The following C12orf76 variants were observed in gnomAD, a reference collection of about 807,000 sequenced individuals.
C12orf76 encodes the protein chromosome 12 open reading frame 76, also known as uncharacterized protein C12orf76.
C12orf76 carries 6 observed loss-of-function variants against 6.8 expected under a neutral mutation model. That is an observed-to-expected ratio of 0.88 (90% confidence interval 0.48 to 1.73). C12orf76 has a LOEUF of 1.73. Among genes scored for constraint, C12orf76 ranks in the 40% most tolerant of loss-of-function variants. The probability of loss-of-function intolerance (pLI) is 0.01; values close to 1 mark genes in which losing one functional copy is unlikely to be tolerated. For missense variants in C12orf76, 99 were observed against 98.2 expected (o/e 1.01, Z -0.03); for synonymous variants, 56 against 43.7 (o/e 1.28, Z -1.11).
upstream of C12orf76, among the ~76,000 whole-genome samples, chr12:110,068,546 C>A (rs1037676381): frequency 2.6e-5 from 4 of 152,212 alleles, no homozygotes; most frequent in African/African-American, 9.6e-5. Flanking sequence ...TAACATAGAC[C>A]TGCTTAGCAT....
chr12:110,050,299 A>G (rs549581021), upstream of C12orf76: 1 of 152,258 alleles, frequency 6.6e-6, no homozygotes, highest in Non-Finnish European at 1.5e-5. Flanking sequence ...TTTGATTTGT[A>G]GTGGGATTAG....
intron 4 of C12orf76, among the ~76,000 whole-genome samples, chr12:110,055,645 G>A (rs909742557): frequency 6.6e-6 from 1 of 152,114 alleles, no homozygotes; most frequent in African/African-American, 2.4e-5. Context: ...GGGGGAGACC[G>A]GAGTTTTATT....
intron 2 of C12orf76, among the ~76,000 whole-genome samples, chr12:110,063,305 C>T (rs769290878): frequency 1.5e-4 from 23 of 151,422 alleles, no homozygotes; most frequent in East Asian, 5.8e-4. Flanking sequence ...TGTTTTGAGA[C>T]GAAGTTTTGC....
chr12:110,069,891 G>A (rs773411574), upstream of C12orf76, among the ~76,000 whole-genome samples: 10 of 152,158 alleles, frequency 6.6e-5, no homozygotes, highest in African/African-American at 2.4e-4. Context: ...TCATGTGAAA[G>A]AAAAATATTC....
In C12orf76 at chr12:110,048,485, G is replaced by A. The variant is rs1457784210; in HGVS notation, c.11C>T (p.Pro4Leu). 2.1e-6 allele frequency: 3 copies of A among 1,450,116 alleles called. No individual in the cohort carries two copies. The highest frequency in any genetic ancestry group is 5.6e-5 in the East Asian group (2 of 35,414). The allele number at this position is 1,450,116 out of a possible 1,614,324, so 89.8% of individuals were successfully genotyped here. A position where few individuals can be genotyped will look rare whatever the true frequency, so the allele number is the denominator to read the frequency against. The change falls in exon 1 of 2, where the codon CCA (proline) becomes CTA (leucine). Residue 4 changes from proline (P) to leucine (L), a missense_variant. Transcript: ENST00000615315. MLR[P>L]ALPWLYLGLC... is the part of the protein sequence containing the mutation. The stretch of plus-strand genomic sequence containing the variant: ...GCCAAGGTACAGCCACGGTAACGCT[G>A]GACGCAGCATCTTCCCCAGCCCTGC...
chr12:110,051,939 T>C (rs1411080552), upstream of C12orf76, among the ~76,000 whole-genome samples: 5 of 134,038 alleles, frequency 3.7e-5, no homozygotes, highest in Non-Finnish European at 6.2e-5. Flanking sequence ...TGAGATGGAG[T>C]CTCACTCTGT....
At chr12:110,056,022 G>A (rs1340221558) in intron 4 of C12orf76, among the ~76,000 whole-genome samples, 3 of 150,960 alleles carry the variant, frequency 2.0e-5, no homozygotes, top group Admixed American at 1.3e-4. Flanking sequence ...GCAGTGAGCT[G>A]AGATTGCGCC....
chr12:110,047,577 G>A (rs992047242), intron 1 of C12orf76, among the ~76,000 whole-genome samples: 1 of 152,004 alleles, frequency 6.6e-6, no homozygotes, highest in South Asian at 2.1e-4. Flanking sequence ...CTACTCGCCC[G>A]GGATGCTGAG....
intron 2 of C12orf76, among the ~76,000 whole-genome samples, chr12:110,060,700 T>A (rs1427901349): frequency 2.0e-5 from 3 of 152,128 alleles, no homozygotes; most frequent in African/African-American, 7.2e-5. Context: ...TTGCAGCTTC[T>A]TCCATGGTTC....
intron 1 of C12orf76, among the ~76,000 whole-genome samples, chr12:110,045,073 A>C (rs889267931): frequency 2.0e-5 from 3 of 152,224 alleles, no homozygotes; most frequent in Admixed American, 2.0e-4. Flanking sequence ...TCATAACTCC[A>C]AAGGCCAGAA....
chr12:110,055,353 T>C (rs889975320), intron 4 of C12orf76, among the ~76,000 whole-genome samples: 4 of 151,710 alleles, frequency 2.6e-5, no homozygotes, highest in African/African-American at 9.7e-5. Flanking sequence ...ATTACAGGCA[T>C]GCGCCGCCAC....
In C12orf76 at chr12:110,054,320, G is replaced by C. The variant is rs892305497; in HGVS notation, n.664+2869C>G. ...ATGTTCATCTATGGATGAATGGATA[G>C]GCAAAATGTGGTCTATCCATTCAAT... On this transcript the variant is annotated intron_variant and non_coding_transcript_variant, in intron 4 of 4. Transcript: ENST00000309050. The surrounding 1 kb of genome is among the most constrained non-coding windows in gnomAD (Gnocchi z 4.4). 3.3e-5 allele frequency among the ~76,000 whole-genome samples: 5 copies of C among 152,134 alleles called. No individual in the cohort carries two copies. The highest frequency in any genetic ancestry group is 1.2e-4 in the African/African-American group (5 of 41,446).
upstream of C12orf76, among the ~76,000 whole-genome samples, chr12:110,069,840 C>T (rs1892939270): frequency 6.6e-6 from 1 of 152,152 alleles, no homozygotes; most frequent in South Asian, 2.1e-4. Flanking sequence ...ACATGTATAA[C>T]TGAATTTGAG....
intron 1 of C12orf76, among the ~76,000 whole-genome samples, chr12:110,043,375 A>G (rs1388074688): frequency 9.6e-6 from 1 of 103,946 alleles, no homozygotes; most frequent in African/African-American, 8.5e-5. Flanking sequence ...TTTAGTCGGA[A>G]AAAAAAAAAA....
chr12:110,047,316 T>C (rs574653929), intron 1 of C12orf76, among the ~76,000 whole-genome samples: 7 of 152,274 alleles, frequency 4.6e-5, no homozygotes, highest in African/African-American at 1.4e-4. Context: ...GGTTCTAGTA[T>C]TGGCCTCATC....
At chr12:110,071,690 T>A (rs1484010860), upstream of C12orf76, among the ~76,000 whole-genome samples, 2 of 151,918 alleles carry the variant, frequency 1.3e-5, no homozygotes, top group African/African-American at 2.4e-5. Flanking sequence ...ATCATCAACA[T>A]CATCATCATC....
chr12:110,067,949 C>T (rs996417016), upstream of C12orf76, among the ~76,000 whole-genome samples: 16 of 152,048 alleles, frequency 1.1e-4, no homozygotes, highest in African/African-American at 7.2e-5. Flanking sequence ...CGGTGGCTCA[C>T]GCCTGTAATC....
At chr12:110,045,057 AGC>A (rs1892414590) in intron 1 of C12orf76, among the ~76,000 whole-genome samples, 1 of 152,244 alleles carries the variant, frequency 6.6e-6, no homozygotes, top group South Asian at 2.1e-4. Context: ...TGACAAAGAC[AGC>A]ATGTCATAAC....
upstream of C12orf76, among the ~76,000 whole-genome samples, chr12:110,067,934 G>A (rs1256713272): frequency 1.3e-5 from 2 of 152,032 alleles, no homozygotes; most frequent in Admixed American, 6.6e-5. Context: ...GCCAAAGGCC[G>A]GGTGCGGTGG....
Sources: gnomAD v4.1 joint callset for allele counts (sites outside exome capture counted in the v4.1 genomes callset) on GRCh38, gnomAD v4.1.1 for gene constraint, Gnocchi (gnomAD v3.1) non-coding constraint, MANE v1.5 for transcripts, NCBI Gene and HGNC (gene_info 2026-07-23, HGNC 2026-07-21) for gene names.